Variants in DOCK2 observed in about 807,000 individuals in gnomAD.
DOCK2 encodes the protein dedicator of cytokinesis 2.
A neutral mutation model predicts 248.9 loss-of-function variants in DOCK2; 87 were observed. That is an observed-to-expected ratio of 0.35 (90% CI 0.29 to 0.42). The LOEUF (loss-of-function observed/expected upper bound fraction) is 0.42. DOCK2 is among the 10% of genes least tolerant of loss of function. DOCK2 has a pLI of 1.00. For synonymous variants in DOCK2, 805 were observed against 821.6 expected (o/e 0.98, Z 0.35); for missense variants, 1,747 against 2,300.2 (o/e 0.76, Z 4.92).
intron 22 of DOCK2, among the ~76,000 whole-genome samples, chr5:169,738,616 A>G (rs1342953962): frequency 6.6e-6 from 1 of 152,118 alleles, no homozygotes; most frequent in African/African-American, 2.4e-5. Flanking sequence ...AGTAATGTTC[A>G]TTTTCAACTC....
At chr5:169,834,070 T>C (rs1769409064) in intron 26 of DOCK2, among the ~76,000 whole-genome samples, 1 of 148,990 alleles carries the variant, frequency 6.7e-6, no homozygotes, top group Non-Finnish European at 1.5e-5. Flanking sequence ...CCCAACCAGA[T>C]CACCCTGCAA....
chr5:170,061,322 TAGA>T (rs1467700670), intron 44 of DOCK2, among the ~76,000 whole-genome samples: 2 of 152,202 alleles, frequency 1.3e-5, no homozygotes, highest in Non-Finnish European at 2.9e-5. Flanking sequence ...TTACGTGTAG[TAGA>T]AGAAGCCTGC....
chr5:169,709,012 C>A (rs1761435143), intron 15 of DOCK2, among the ~76,000 whole-genome samples: 1 of 152,224 alleles, frequency 6.6e-6, no homozygotes, highest in Non-Finnish European at 1.5e-5. Context: ...CTGGTTTCCT[C>A]ACCTGTAAAA....
chr5:169,950,977 C>T (rs1032181697), intron 27 of DOCK2, among the ~76,000 whole-genome samples: 12 of 152,112 alleles, frequency 7.9e-5, no homozygotes, highest in African/African-American at 2.2e-4. Context: ...TAAAATTGGG[C>T]GGTTGAATGT....
chr5:169,859,955 CTTCTTTTTTTTTTTTTTT>C (rs1230401116), intron 27 of DOCK2, among the ~76,000 whole-genome samples: 11 of 137,504 alleles, frequency 8.0e-5, no homozygotes, highest in African/African-American at 1.1e-4. Flanking sequence ...CTGGTGGATC[CTTCTTTTTTTTTTTTTTT>C]TTCTTTTTTT....
intron 1 of DOCK2, 134 bp from the exon 2 acceptor site, chr5:169,654,268 GT>G: frequency 1.1e-6 from 1 of 879,084 alleles, no homozygotes; most frequent in Non-Finnish European, 1.7e-6. Context: ...CAGGCAATAG[GT>G]TTCTGTGTTG....
At chr5:170,057,394 T>G in intron 43 of DOCK2, 186 bp from the exon 44 acceptor site, 1 of 653,722 alleles carries the variant, frequency 1.5e-6, no homozygotes, top group Non-Finnish European at 2.8e-6. Flanking sequence ...TTACACTTAA[T>G]GTTGGGAAAG....
chr5:170,027,969 G>A (rs370198177), intron 34 of DOCK2, 21 bp downstream of exon 34: 8 of 1,601,106 alleles, frequency 5.0e-6, no homozygotes, highest in South Asian at 1.1e-5. Flanking sequence ...TGCCCTGTGT[G>A]TAGGAACAGC....
chr5:169,867,064 C>T (rs1771611514), intron 27 of DOCK2, among the ~76,000 whole-genome samples: 1 of 152,206 alleles, frequency 6.6e-6, no homozygotes, highest in South Asian at 2.1e-4. Flanking sequence ...GATTAATTTG[C>T]TGGAGTGGTT....
At chr5:169,960,482 T>A (rs1274906646) in intron 27 of DOCK2, among the ~76,000 whole-genome samples, 6 of 152,220 alleles carry the variant, frequency 3.9e-5, no homozygotes, top group Non-Finnish European at 8.8e-5. Flanking sequence ...AAATCTCATA[T>A]ACTCAAGATG....
chr5:169,761,636 A>G lies in DOCK2; in HGVS notation c.2554+11A>G. 1.9e-6 allele frequency: 3 copies of G among 1,611,890 alleles called. No individual in the cohort carries two copies. The highest frequency in any genetic ancestry group is 2.2e-5 in the South Asian group (2 of 90,904). On this transcript the variant is annotated intron_variant, in intron 25 of 51. Coordinates refer to ENST00000520908, the MANE Select transcript of DOCK2 (RefSeq NM_004946.3). ...TCTTTAAAAAGCAAGGTGAGTACAC[A>G]GCACCCTTGCTGGGGTGGGGTAAGG...
chr5:169,637,446 C>T lies in DOCK2; in HGVS notation c.43+77C>T, dbSNP rs577931988. ...CCGCGAGCAGGAGGATGCTGCGGGG[C>T]CGGCGGCGCGGGGTGGGCAGGGCGC... On this transcript the variant is annotated intron_variant, in intron 1 of 51. Transcript: ENST00000520908. 3.5e-4 allele frequency: 452 copies of T among 1,283,956 alleles called. 2 individuals carry two copies. The highest frequency in any genetic ancestry group is 4.1e-4 in the Non-Finnish European group (419 of 1,014,390). The allele number at this position is 1,283,956 out of a possible 1,614,324, so 79.5% of individuals were successfully genotyped here. A position where few individuals can be genotyped will look rare whatever the true frequency, so the allele number is the denominator to read the frequency against.
intron 30 of DOCK2, 92 bp from the exon 31 acceptor site, chr5:170,008,405 T>C (rs1755148564): frequency 1.5e-6 from 2 of 1,341,874 alleles, no homozygotes; most frequent in South Asian, 2.4e-5. Context: ...CTCTGTCTTC[T>C]GCCATCTTCA....
chr5:170,058,256 G>A (rs1280532330), intron 44 of DOCK2, among the ~76,000 whole-genome samples: 1 of 152,136 alleles, frequency 6.6e-6, no homozygotes, highest in Non-Finnish European at 1.5e-5. Flanking sequence ...CCTTGTAAAT[G>A]GACATATTTA....
At chr5:169,710,192 A>G (rs1216638916) in intron 15 of DOCK2, among the ~76,000 whole-genome samples, 1 of 152,162 alleles carries the variant, frequency 6.6e-6, no homozygotes, top group East Asian at 1.9e-4. Context: ...GGGTCCTTGG[A>G]GGCACCTCTC....
intron 27 of DOCK2, among the ~76,000 whole-genome samples, chr5:169,885,239 A>G (rs1455553032): frequency 1.3e-5 from 2 of 152,222 alleles, no homozygotes; most frequent in Non-Finnish European, 2.9e-5. Context: ...TTTAATGTGC[A>G]TCTCCTCCAC....
At chr5:169,851,768 A>G (rs1419996174) in intron 27 of DOCK2, among the ~76,000 whole-genome samples, 5 of 152,080 alleles carry the variant, frequency 3.3e-5, no homozygotes, top group African/African-American at 4.8e-5. Flanking sequence ...GTGGCAGGAG[A>G]GAGGGAGAGA....
intron 27 of DOCK2, among the ~76,000 whole-genome samples, chr5:169,948,147 C>T (rs146900580): frequency 2.0e-4 from 30 of 152,198 alleles, no homozygotes; most frequent in African/African-American, 5.1e-4. Context: ...GTGAAAATTT[C>T]ATCCAACCTC....
At chr5:169,673,110 C>T (rs1759128433) in intron 5 of DOCK2, among the ~76,000 whole-genome samples, 1 of 152,168 alleles carries the variant, frequency 6.6e-6, no homozygotes, top group Non-Finnish European at 1.5e-5. Context: ...TCCCCCTCCC[C>T]TCCCAGAGGT....
Sources: allele counts gnomAD v4.1 joint callset (sites outside exome capture counted in the v4.1 genomes callset), GRCh38; gene constraint gnomAD v4.1.1; transcripts MANE v1.5; gene names NCBI Gene and HGNC (gene_info 2026-07-23, HGNC 2026-07-21).